The following FLT3 variants were observed in gnomAD, a reference collection of about 807,000 sequenced individuals.
FLT3 encodes fms related receptor tyrosine kinase 3, also known as receptor-type tyrosine-protein kinase FLT3.
Under a neutral mutation model 126.6 loss-of-function variants are expected in FLT3, and 46 were observed. The ratio of observed to expected loss-of-function variants is 0.36; its 90% confidence interval spans 0.29 to 0.46. The LOEUF (loss-of-function observed/expected upper bound fraction) is 0.46. Ranked by LOEUF, FLT3 falls within the 20% of genes least tolerant of loss-of-function variation. The pLI, the probability that FLT3 is intolerant of heterozygous loss-of-function variation, is 1.00. For missense variants in FLT3, 1,069 were observed against 1,190.3 expected, an observed-to-expected ratio of 0.90 and a Z score of 1.50; for synonymous variants, 404 against 434.4, an observed-to-expected ratio of 0.93 and a Z score of 0.87.
At chr13:28,085,749 C>G (rs188615916) in intron 1 of FLT3, among the ~76,000 whole-genome samples, 2 of 150,272 alleles carry the variant, frequency 1.3e-5, no homozygotes, top group Non-Finnish European at 2.9e-5. Flanking sequence ...ACCTCTGGCT[C>G]TCTTTTGATT....
intron 1 of FLT3, among the ~76,000 whole-genome samples, chr13:28,092,237 T>C (rs1879160676): frequency 6.6e-6 from 1 of 151,930 alleles, no homozygotes; most frequent in African/African-American, 2.4e-5. Context: ...CCTATCTCCC[T>C]CTCTCCTCCC....
In FLT3 at chr13:28,015,630, G is replaced by C. The variant is rs772553557; in HGVS notation, c.2613C>G (p.Val871=). ...CCCACAGTAATATTCCATATGACCA[G>C]ACATCACTCTTAATGGTGTAGATGC... ...FEGIYTIKSD[V]WSYGILLWEI... Residue 871 remains valine, a synonymous_variant, in exon 21 of 24, where the codon GTC becomes GTG. Coordinates refer to ENST00000241453, the MANE Select transcript of FLT3 (RefSeq NM_004119.3). 1.2e-6 allele frequency: 2 copies of C among 1,613,026 alleles called. No individual in the cohort carries two copies. Among genetic ancestry groups the C allele is most frequent in the African/African-American group, 2.7e-5 (2 of 74,956 alleles).
chr13:28,034,608 G>A (rs1001115485), intron 12 of FLT3, among the ~76,000 whole-genome samples: 2 of 152,132 alleles, frequency 1.3e-5, no homozygotes, highest in Non-Finnish European at 2.9e-5. Context: ...CTAGAAAATT[G>A]CGGATTATTC....
At chr13:28,026,014 T>A (rs1355610585) in intron 17 of FLT3, among the ~76,000 whole-genome samples, 1 of 151,926 alleles carries the variant, frequency 6.6e-6, no homozygotes, top group Non-Finnish European at 1.5e-5. Flanking sequence ...CAAATACCCT[T>A]CAGAATAAGG....
intron 1 of FLT3, among the ~76,000 whole-genome samples, chr13:28,089,218 A>T (rs187859787): frequency 3.0e-4 from 46 of 152,332 alleles, no homozygotes; most frequent in African/African-American, 1.1e-3. Context: ...GCTGACGATG[A>T]CCTTGAGCAA....
chr13:28,048,027 C>T (rs12583162), intron 9 of FLT3, among the ~76,000 whole-genome samples: 1 of 152,190 alleles, frequency 6.6e-6, no homozygotes, highest in Non-Finnish European at 1.5e-5. Flanking sequence ...GAGAACCAGA[C>T]TCAAACTAGA....
rs1871719807 is a variant in FLT3, at chr13:28,015,085, G to T, written c.2753+72C>A. 7.9e-6 allele frequency: 7 copies of T among 891,640 alleles called. No homozygotes were observed. In the Admixed American group the frequency reaches 1.1e-4, roughly 14 times the overall value. 55.2% of individuals were successfully genotyped at this position (891,640 alleles called of 1,614,324 possible). A position where few individuals can be genotyped will look rare whatever the true frequency, so the allele number is the denominator to read the frequency against. ...TGCACTAAGGAGTTTGACTTTTTTT[G>T]GTCATGCATTTGGAAGTAGACAGAC... On this transcript the variant is annotated intron_variant, in intron 22 of 23. Coordinates refer to ENST00000241453, the MANE Select transcript of FLT3 (RefSeq NM_004119.3).
intron 15 of FLT3, among the ~76,000 whole-genome samples, chr13:28,032,616 A>G (rs947858576): frequency 6.6e-6 from 1 of 152,164 alleles, no homozygotes; most frequent in Non-Finnish European, 1.5e-5. Context: ...TTTCAAAATC[A>G]GCCACAACAA....
intron 1 of FLT3, among the ~76,000 whole-genome samples, chr13:28,083,264 T>C (rs532859146): frequency 1.0e-3 from 157 of 152,378 alleles, no homozygotes; most frequent in African/African-American, 3.4e-3. Context: ...TCTTTTTTTT[T>C]AGTAATAATT....
At chr13:28,071,509 C>T (rs1877515628) in intron 1 of FLT3, among the ~76,000 whole-genome samples, 1 of 151,974 alleles carries the variant, frequency 6.6e-6, no homozygotes, top group African/African-American at 2.4e-5. Flanking sequence ...TCCTTCTCTC[C>T]TCTTTACTTT....
chr13:28,059,071 A>G (rs1876303810), intron 3 of FLT3, among the ~76,000 whole-genome samples: 2 of 152,214 alleles, frequency 1.3e-5, no homozygotes, highest in South Asian at 4.1e-4. Context: ...ACAATCGCAA[A>G]AGAGGAAAGG....
intron 15 of FLT3, among the ~76,000 whole-genome samples, chr13:28,031,176 T>C (rs1873300316): frequency 2.0e-5 from 3 of 151,622 alleles, no homozygotes; most frequent in Middle Eastern, 6.8e-3. Context: ...TACAGTGAGC[T>C]GAGATGGTGC....
Position 28,007,545 on chromosome 13 carries a change from C to A in FLT3, c.2860-3371G>T, listed in dbSNP as rs371467464. Among the ~76,000 whole-genome samples, 5 of 152,318 alleles carry A rather than the reference C, an allele frequency of 3.3e-5. No homozygotes were observed. In the South Asian group the frequency reaches 1.0e-3, roughly 32 times the overall value. On this transcript the variant is annotated intron_variant, in intron 23 of 23. Transcript: ENST00000241453. ...TACAGGCGTGAGCCACCACACCCGACTTCTTTTTTTCTTAATTGTTCACTT... is the reference window on the plus strand; with the variant it reads ...TACAGGCGTGAGCCACCACACCCGAATTCTTTTTTTCTTAATTGTTCACTT...
chr13:28,039,468 CG>C (rs1874151218), intron 9 of FLT3, among the ~76,000 whole-genome samples: 1 of 151,458 alleles, frequency 6.6e-6, no homozygotes, highest in Non-Finnish European at 1.5e-5. Context: ...CCCAAAGTGC[CG>C]GGATGAATTA....
At chr13:28,037,568 T>C (rs1256303815) in intron 9 of FLT3, among the ~76,000 whole-genome samples, 2 of 152,182 alleles carry the variant, frequency 1.3e-5, no homozygotes, top group Non-Finnish European at 2.9e-5. Context: ...TTTAAGATGA[T>C]CACCATGTGA....
At chr13:28,067,425 T>C (rs1370741643) in intron 2 of FLT3, among the ~76,000 whole-genome samples, 1 of 152,112 alleles carries the variant, frequency 6.6e-6, no homozygotes, top group East Asian at 1.9e-4. Flanking sequence ...AAATGCACAG[T>C]ACAGAGGCAG....
chr13:28,031,259 G>A (rs1873315380), intron 15 of FLT3, among the ~76,000 whole-genome samples: 1 of 152,140 alleles, frequency 6.6e-6, no homozygotes, highest in South Asian at 2.1e-4. Flanking sequence ...ACGTGGCAAA[G>A]GAGTGCAGGG....
intron 23 of FLT3, among the ~76,000 whole-genome samples, chr13:28,005,354 C>A (rs1443178580): frequency 6.9e-6 from 1 of 145,062 alleles, no homozygotes; most frequent in Non-Finnish European, 1.5e-5. Context: ...GGCTACAAGT[C>A]ATGACAAGTA....
At chr13:28,012,276 C>T (rs149265672) in intron 23 of FLT3, among the ~76,000 whole-genome samples, 50 of 152,258 alleles carry the variant, frequency 3.3e-4, no homozygotes, top group Non-Finnish European at 4.4e-4. Context: ...TGCCATTCAA[C>T]GGTTCCTGAT....
Sources: gnomAD v4.1 joint callset for allele counts (sites outside exome capture counted in the v4.1 genomes callset) on GRCh38, gnomAD v4.1.1 for gene constraint, MANE v1.5 for transcripts, NCBI Gene and HGNC (gene_info 2026-07-23, HGNC 2026-07-21) for gene names.